CPAMD8: variants seen among roughly 807,000 people sequenced by gnomAD.
CPAMD8 encodes C3 and PZP-like alpha-2-macroglobulin domain-containing protein 8.
CPAMD8 carries 146 observed loss-of-function variants against 224.7 expected under a neutral mutation model. The observed-to-expected ratio is 0.65, with a 90% CI of 0.57 to 0.75. The LOEUF (loss-of-function observed/expected upper bound fraction) is 0.75, where lower values mean the gene tolerates loss of function less well. Among genes scored for constraint, CPAMD8 ranks in the 30% least tolerant of loss-of-function variants. The pLI, the probability that CPAMD8 is intolerant of heterozygous loss-of-function variation, is 0.00. For synonymous variants in CPAMD8, 966 were observed against 1,044.6 expected (o/e 0.92, Z 1.45); for missense variants, 2,301 against 2,537.5 (o/e 0.91, Z 2.00).
At chr19:16,923,541 G>T (rs1223339185) in intron 26 of CPAMD8, among the ~76,000 whole-genome samples, 3 of 152,038 alleles carry the variant, frequency 2.0e-5, no homozygotes, top group Non-Finnish European at 4.4e-5. Context: ...CATCCACTTG[G>T]AACCCAAAAA....
chr19:16,957,796 C>T, intron 19 of CPAMD8, 57 bp downstream of exon 19: 2 of 1,547,116 alleles, frequency 1.3e-6, no homozygotes, highest in Non-Finnish European at 1.8e-6. Flanking sequence ...TCTGGACCCG[C>T]ATGAGTGTCT....
intron 20 of CPAMD8, among the ~76,000 whole-genome samples, chr19:16,948,878 GA>G (rs1568515575): frequency 4.0e-5 from 2 of 49,584 alleles, no homozygotes; most frequent in Non-Finnish European, 6.8e-5. Context: ...AAAGGGAAGG[GA>G]AGGGAAGGGA....
intron 3 of CPAMD8, 75 bp downstream of exon 3, chr19:17,020,256 G>A (rs901118258): frequency 5.3e-6 from 6 of 1,142,284 alleles, no homozygotes; most frequent in Non-Finnish European, 8.0e-6. Flanking sequence ...TTACATGTGT[G>A]AGCCACCACG....
At chr19:16,966,071 A>G (rs2054818304) in intron 18 of CPAMD8, among the ~76,000 whole-genome samples, 1 of 152,218 alleles carries the variant, frequency 6.6e-6, no homozygotes. Flanking sequence ...GGGAGGCATC[A>G]CGCTACCTGA....
In CPAMD8 at chr19:17,018,466, T is replaced by C. The variant is rs2056867620; in HGVS notation, c.267+1865A>G. Among the ~76,000 whole-genome samples the C allele has an allele frequency of 2.0e-5, 3 of 152,242 alleles. No homozygotes were observed. In the South Asian group the frequency reaches 6.2e-4, roughly 32 times the overall value. On this transcript the variant is annotated intron_variant, in intron 3 of 41. Coordinates refer to ENST00000443236, the MANE Select transcript of CPAMD8 (RefSeq NM_015692.5). Reference sequence around the variant, plus strand: ...GACACAGCAAGACCCAGTGAGAGGCTTGGGTCCTGCTGGTAATTCTTCAAT... The same window carrying C: ...GACACAGCAAGACCCAGTGAGAGGCCTGGGTCCTGCTGGTAATTCTTCAAT...
chr19:17,004,567 A>G (rs889169671), intron 7 of CPAMD8, among the ~76,000 whole-genome samples, 181 bp from the exon 8 acceptor site: 1 of 151,730 alleles, frequency 6.6e-6, no homozygotes, highest in East Asian at 1.9e-4. Context: ...AGGCCAGCGG[A>G]GCAGGTTTGA....
intron 18 of CPAMD8, among the ~76,000 whole-genome samples, chr19:16,964,510 T>C (rs542619622): frequency 5.9e-5 from 9 of 152,272 alleles, no homozygotes; most frequent in East Asian, 1.9e-4. Context: ...AATCTCTGAA[T>C]AGACCAATAA....
chr19:17,009,236 C>A (rs1222435546), intron 6 of CPAMD8, 67 bp downstream of exon 6: 1 of 1,613,466 alleles, frequency 6.2e-7, no homozygotes, highest in East Asian at 2.2e-5. Flanking sequence ...GAAGACAGAC[C>A]AGATCTTGCA....
intron 22 of CPAMD8, among the ~76,000 whole-genome samples, chr19:16,942,085 G>GT (rs2053915342): frequency 6.6e-6 from 1 of 152,118 alleles, no homozygotes; most frequent in Admixed American, 6.6e-5. Context: ...TGCCATGATT[G>GT]TAAGTTTCCT....
At chr19:16,987,974 CT>C (rs1485270188) in intron 13 of CPAMD8, among the ~76,000 whole-genome samples, 1 of 152,078 alleles carries the variant, frequency 6.6e-6, no homozygotes, top group African/African-American at 2.4e-5. Flanking sequence ...GGGAACTCTA[CT>C]TTTTGTTCAA....
intron 15 of CPAMD8, 47 bp from the exon 16 acceptor site, chr19:16,976,198 G>A (rs1482556801): frequency 3.9e-6 from 6 of 1,539,062 alleles, no homozygotes; most frequent in Non-Finnish European, 4.4e-6. Flanking sequence ...TCAGTTGGCT[G>A]TGAGTGGTGG....
chr19:16,936,607 G>A lies in CPAMD8; in HGVS notation c.2845+1788C>T, dbSNP rs758756651. Among the ~76,000 whole-genome samples, 22 of 151,198 alleles carry A rather than the reference G, an allele frequency of 1.5e-4. No homozygotes were observed. The South Asian group carries it at 1.7e-3, about 12-fold the overall frequency. On this transcript the variant is annotated intron_variant, in intron 23 of 41. Transcript: ENST00000443236. ...TTTTTTGTAGAGATGGAGTTTCACCGTGCTGGTCAGGCTGGTCTCGAACTC... is the reference window on the plus strand; with the variant it reads ...TTTTTTGTAGAGATGGAGTTTCACCATGCTGGTCAGGCTGGTCTCGAACTC...
chr19:16,926,595 C>T (rs963425862), intron 25 of CPAMD8, among the ~76,000 whole-genome samples: 3 of 152,324 alleles, frequency 2.0e-5, no homozygotes, highest in Admixed American at 2.0e-4. Context: ...GGATTACAGG[C>T]GTGAGCCACC....
At chr19:16,958,429 T>C (rs2054543083) in intron 18 of CPAMD8, among the ~76,000 whole-genome samples, 1 of 152,228 alleles carries the variant, frequency 6.6e-6, no homozygotes, top group Non-Finnish European at 1.5e-5. Flanking sequence ...GCTCCATCCA[T>C]GTTTCCACAA....
chr19:17,012,299 G>C (rs1008573783), intron 3 of CPAMD8, among the ~76,000 whole-genome samples: 1 of 149,852 alleles, frequency 6.7e-6, no homozygotes, highest in African/African-American at 2.5e-5. Context: ...GATTATAGGC[G>C]TGAGCCATTG....
In CPAMD8 at chr19:17,014,975, C is replaced by T. The variant is rs555423142; in HGVS notation, c.268-3218G>A. Among the ~76,000 whole-genome samples the T allele has an allele frequency of 8.5e-5, 13 of 152,376 alleles. 1 individual carries two copies. The highest frequency in any genetic ancestry group is 3.1e-4 in the African/African-American group (13 of 41,598). ...CCACCCAAATGGCTGGGCACAGTGG[C>T]TCACGCCTGTCATCCCAGCACTTTG... is the stretch of plus-strand genomic sequence containing the variant. On this transcript the variant is annotated intron_variant, in intron 3 of 41. Coordinates refer to ENST00000443236, the MANE Select transcript of CPAMD8 (RefSeq NM_015692.5).
chr19:16,914,517 G>C lies in CPAMD8; in HGVS notation c.3787-19C>G, dbSNP rs368779407. On this transcript the variant is annotated intron_variant, in intron 28 of 41. Coordinates refer to ENST00000443236, the MANE Select transcript of CPAMD8 (RefSeq NM_015692.5). ...TCCCACCCTGCAAGGGGACTCACAG[G>C]CCTCACCCTAAGCCAAAGGAGACAG... The C allele has an allele frequency of 9.2e-5, 148 of 1,613,316 alleles. No homozygotes were observed. In the African/African-American group the frequency reaches 1.6e-3, roughly 17 times the overall value.
In CPAMD8 at chr19:17,003,243, C is replaced by T. The variant is rs2056389089; in HGVS notation, c.674-893G>A. Among the ~76,000 whole-genome samples, 3 of 151,604 alleles carry T rather than the reference C, an allele frequency of 2.0e-5. No individual in the cohort carries two copies. In the South Asian group the frequency reaches 6.3e-4, roughly 32 times the overall value. ...TGAGACAGGGTCTCACTTTGTCACCCAAACTGGAGAATAGTGGTGCAATCA... is the reference window on the plus strand; with the variant it reads ...TGAGACAGGGTCTCACTTTGTCACCTAAACTGGAGAATAGTGGTGCAATCA... On this transcript the variant is annotated intron_variant, in intron 8 of 41. Transcript: ENST00000443236.
chr19:16,995,109 C>T (rs550281854), intron 11 of CPAMD8, among the ~76,000 whole-genome samples: 1 of 152,320 alleles, frequency 6.6e-6, no homozygotes, highest in South Asian at 2.1e-4. Flanking sequence ...CAAGCTGGGG[C>T]CCTCAAAGCC....
Sources: allele counts gnomAD v4.1 joint callset (sites outside exome capture counted in the v4.1 genomes callset), GRCh38; gene constraint gnomAD v4.1.1; transcripts MANE v1.5; gene names NCBI Gene and HGNC (gene_info 2026-07-23, HGNC 2026-07-21).